The following LRRC7 variants were observed in gnomAD, a reference collection of about 807,000 sequenced individuals.
LRRC7 encodes leucine-rich repeat-containing protein 7.
A neutral mutation model predicts 175.7 loss-of-function variants in LRRC7; 23 were observed. The observed-to-expected ratio is 0.13, with a 90% CI of 0.09 to 0.19. The LOEUF is 0.19. LRRC7 is among the 10% of genes least tolerant of loss of function. LRRC7 has a pLI of 1.00. For synonymous variants in LRRC7, 685 were observed against 680.9 expected (o/e 1.01, Z -0.09); for missense variants, 1,354 against 1,904.7 (o/e 0.71, Z 5.38).
At position 69,674,490 on chromosome 1, in the gene LRRC7, G is replaced by A. The variant is rs561782167; in HGVS notation, c.3-3891G>A. Among the ~76,000 whole-genome samples the A allele has an allele frequency of 1.8e-3, 268 of 152,014 alleles. 1 individual carries two copies. The highest frequency in any genetic ancestry group is 6.2e-3 in the African/African-American group (256 of 41,460). On this transcript the variant is annotated intron_variant, in intron 1 of 26. Coordinates refer to ENST00000651989, the MANE Select transcript of LRRC7 (RefSeq NM_001370785.2). ...TACTTCATGAAGTGATAAAGTAAATGGTAAATATATTACAAAATATTTTAA... is the reference window on the plus strand; with the variant it reads ...TACTTCATGAAGTGATAAAGTAAATAGTAAATATATTACAAAATATTTTAA...
At chr1:69,712,324 G>A (rs1386274026) in intron 2 of LRRC7, among the ~76,000 whole-genome samples, 1 of 152,104 alleles carries the variant, frequency 6.6e-6, no homozygotes, top group Non-Finnish European at 1.5e-5. Context: ...GAAAAAAAGG[G>A]CCAGGTGCAG....
intron 7 of LRRC7, among the ~76,000 whole-genome samples, chr1:69,868,681 G>A (rs1319127473): frequency 6.6e-6 from 1 of 152,058 alleles, no homozygotes; most frequent in Non-Finnish European, 1.5e-5. Flanking sequence ...CATAATGCAT[G>A]TATTCATTTG....
chr1:69,874,986 A>T (rs913643621), intron 7 of LRRC7: 2 of 152,082 alleles, frequency 1.3e-5, no homozygotes, highest in Middle Eastern at 3.2e-3. Flanking sequence ...TTCTAAAAAT[A>T]AAAAATGTAA....
intron 3 of LRRC7, among the ~76,000 whole-genome samples, chr1:69,775,425 T>C (rs867668381): frequency 6.6e-6 from 1 of 152,218 alleles, no homozygotes; most frequent in African/African-American, 2.4e-5. Flanking sequence ...ATTCTAGAAG[T>C]GAGTCCAAAT....
At chr1:69,667,229 G>T (rs1054772812) in intron 1 of LRRC7, among the ~76,000 whole-genome samples, 1 of 150,994 alleles carries the variant, frequency 6.6e-6, no homozygotes, top group Non-Finnish European at 1.5e-5. Flanking sequence ...TTAACATATG[G>T]TCTATCCTTG....
Position 70,070,935 on chromosome 1 carries a change from G to A in LRRC7, c.4231-5142G>A, listed in dbSNP as rs371012346. On this transcript the variant is annotated intron_variant, in intron 23 of 26. Coordinates refer to ENST00000651989, the MANE Select transcript of LRRC7 (RefSeq NM_001370785.2). ...GGAGAAGAGGGGCTTATTACTAGTT[G>A]ATGGGAATGAATGCTGTGCACCTAC... Among the ~76,000 whole-genome samples the A allele has an allele frequency of 2.5e-4, 38 of 152,316 alleles. No individual in the cohort carries two copies. The East Asian group carries it at 3.9e-3, about 15-fold the overall frequency.
At chr1:69,586,592 G>A (rs1350507900) in intron 1 of LRRC7, among the ~76,000 whole-genome samples, 1 of 152,014 alleles carries the variant, frequency 6.6e-6, no homozygotes, top group Non-Finnish European at 1.5e-5. Flanking sequence ...GTGAGGTACT[G>A]CATACCATTT....
chr1:70,082,656 T>G (rs2102148320), intron 24 of LRRC7, among the ~76,000 whole-genome samples: 1 of 152,202 alleles, frequency 6.6e-6, no homozygotes, highest in Admixed American at 6.5e-5. Flanking sequence ...TTAAAATTTA[T>G]TTCCAGACTA....
At chr1:69,931,311 G>A (rs1299478240) in intron 7 of LRRC7, among the ~76,000 whole-genome samples, 196 bp from the exon 8 acceptor site, 3 of 152,164 alleles carry the variant, frequency 2.0e-5, no homozygotes, top group Admixed American at 2.0e-4. Flanking sequence ...ATTGGCATTT[G>A]TGAACAGATG....
At chr1:70,073,986 A>C (rs1008214677) in intron 23 of LRRC7, among the ~76,000 whole-genome samples, 2 of 152,170 alleles carry the variant, frequency 1.3e-5, no homozygotes, top group Non-Finnish European at 2.9e-5. Context: ...AGATCACTTA[A>C]GGTCAGGAGT....
rs59212223 is a variant in LRRC7 at position 69,600,800 on chromosome 1, C to CTTTTTTTTTTTTTTTTTTTTTTTTT, written c.2+32163_2+32187dup. On this transcript the variant is annotated intron_variant, in intron 1 of 26. Transcript: ENST00000651989. ...CCATTTCTCCAAGGATCTCTGGTTT[C>CTTTTTTTTTTTTTTTTTTTTTTTTT]TTTTTTTTTTTTTTTTTTTTTTTTT... is the stretch of plus-strand genomic sequence containing the variant. 6.2e-5 allele frequency among the ~76,000 whole-genome samples: 4 copies of CTTTTTTTTTTTTTTTTTTTTTTTTT among 64,896 alleles called. 2 individuals are homozygous for CTTTTTTTTTTTTTTTTTTTTTTTTT. Among genetic ancestry groups the CTTTTTTTTTTTTTTTTTTTTTTTTT allele is most frequent in the African/African-American group, 1.2e-4 (2 of 16,152 alleles). 42.6% of individuals were successfully genotyped at this position (64,896 alleles called of 152,430 possible). A position where few individuals can be genotyped will look rare whatever the true frequency, so the allele number is the denominator to read the frequency against.
intron 7 of LRRC7, among the ~76,000 whole-genome samples, chr1:69,923,935 G>C (rs1023778641): frequency 6.6e-6 from 1 of 151,426 alleles, no homozygotes; most frequent in African/African-American, 2.4e-5. Flanking sequence ...TATGGTTTTA[G>C]GTCTAACATT....
intron 1 of LRRC7, among the ~76,000 whole-genome samples, chr1:69,599,629 G>T (rs1646974118): frequency 6.6e-6 from 1 of 152,160 alleles, no homozygotes; most frequent in African/African-American, 2.4e-5. Context: ...TTGAAGCTTG[G>T]GTTATATAGC....
chr1:69,711,258 G>A (rs1379327095), intron 2 of LRRC7, among the ~76,000 whole-genome samples: 1 of 152,134 alleles, frequency 6.6e-6, no homozygotes, highest in Non-Finnish European at 1.5e-5. Context: ...ATCTAAATAT[G>A]CTCTCTATCA....
intron 7 of LRRC7, among the ~76,000 whole-genome samples, chr1:69,845,533 C>A (rs1054497034): frequency 1.2e-4 from 18 of 151,492 alleles, no homozygotes; most frequent in African/African-American, 3.9e-4. Flanking sequence ...TTTTAAAATC[C>A]TTCCTTCCTT....
intron 7 of LRRC7, among the ~76,000 whole-genome samples, chr1:69,906,652 G>C (rs777737776): frequency 2.4e-4 from 37 of 152,166 alleles, no homozygotes; most frequent in African/African-American, 8.0e-4. Flanking sequence ...ATGCTGTTTT[G>C]GTTACTGTAG....
intron 2 of LRRC7, among the ~76,000 whole-genome samples, chr1:69,704,536 AT>A (rs1171497740): frequency 6.6e-6 from 1 of 151,948 alleles, no homozygotes; most frequent in East Asian, 1.9e-4. Flanking sequence ...GCTATTCACA[AT>A]TTTTAATTTT....
chr1:69,692,629 C>T (rs1034216155), intron 2 of LRRC7, among the ~76,000 whole-genome samples: 12 of 152,152 alleles, frequency 7.9e-5, no homozygotes, highest in African/African-American at 2.9e-4. Flanking sequence ...TTGTGTCTTA[C>T]ATTATTCTTG....
chr1:69,576,879 C>T (rs1048047288), intron 1 of LRRC7, among the ~76,000 whole-genome samples: 6 of 152,106 alleles, frequency 3.9e-5, no homozygotes, highest in South Asian at 2.1e-4. Context: ...AACAGTAATA[C>T]GAGATGTCAA....
Sources: allele counts gnomAD v4.1 joint callset (sites outside exome capture counted in the v4.1 genomes callset), GRCh38; gene constraint gnomAD v4.1.1; transcripts MANE v1.5; gene names NCBI Gene and HGNC (gene_info 2026-07-23, HGNC 2026-07-21).